The following ARL3 variants were observed in gnomAD, a reference collection of about 807,000 sequenced individuals.
ARL3 encodes ARF like GTPase 3.
Under a neutral mutation model 26.0 loss-of-function variants are expected in ARL3, and 9 were observed. That is an observed-to-expected ratio of 0.35 (90% CI 0.21 to 0.60). The LOEUF is 0.60. Ranked by LOEUF, ARL3 falls within the 20% of genes least tolerant of loss-of-function variation. ARL3 has a pLI of 0.78. For missense variants in ARL3, 158 were observed against 215.7 expected, an observed-to-expected ratio of 0.73 and a Z score of 1.67; for synonymous variants, 71 against 78.4, an observed-to-expected ratio of 0.91 and a Z score of 0.50.
At chr10:102,714,151 G>T in intron 1 of ARL3, 122 bp downstream of exon 1, 2 of 1,195,558 alleles carry the variant, frequency 1.7e-6, no homozygotes, top group Non-Finnish European at 2.2e-6. Context: ...CCACAACCCA[G>T]ATAGCAGGCT....
At chr10:102,688,784 C>T (rs928534955) in intron 4 of ARL3, among the ~76,000 whole-genome samples, 10 of 152,006 alleles carry the variant, frequency 6.6e-5, no homozygotes, top group East Asian at 1.9e-4. Flanking sequence ...ATTACAGGCG[C>T]GAGCCACCGC....
intron 1 of ARL3, among the ~76,000 whole-genome samples, chr10:102,713,835 G>T (rs994237170): frequency 5.3e-5 from 8 of 152,208 alleles, no homozygotes; most frequent in African/African-American, 1.9e-4. Context: ...AGAGCCAATG[G>T]GGCCGGCCTT....
chr10:102,688,188 G>C (rs2064197481), intron 4 of ARL3, among the ~76,000 whole-genome samples: 2 of 152,122 alleles, frequency 1.3e-5, no homozygotes, highest in African/African-American at 4.8e-5. Context: ...TTAAATGATA[G>C]GCCCCACCTT....
chr10:102,705,527 C>T (rs2082183153), intron 1 of ARL3, 38 bp from the exon 2 acceptor site: 5 of 1,503,092 alleles, frequency 3.3e-6, no homozygotes, highest in African/African-American at 1.4e-5. Flanking sequence ...ACTCTGGGGG[C>T]ACTGACTGTG....
rs536284276 is a variant in ARL3, at chr10:102,675,640, G to A, written c.*1254C>T. The A allele has an allele frequency of 2.0e-5, 3 of 152,328 alleles. No individual in the cohort carries two copies. Among genetic ancestry groups the A allele is most frequent in the African/African-American group, 7.2e-5 (3 of 41,576 alleles). The allele number at this position is 152,328 out of a possible 1,614,324, so 9.4% of individuals were successfully genotyped here. A position where few individuals can be genotyped will look rare whatever the true frequency, so the allele number is the denominator to read the frequency against. On this transcript the variant is annotated 3_prime_UTR_variant, in exon 6 of 6. Transcript: ENST00000260746. ...GCTCGTTTTGCAACGAGGGGCAGGA[G>A]AAATGTTCTGCTATTCCTCTCCAAT...
chr10:102,675,681 G>C lies in ARL3; in HGVS notation c.*1213C>G, dbSNP rs755783067. 7 of 152,174 alleles carry C rather than the reference G, an allele frequency of 4.6e-5. No individual in the cohort carries two copies. Among genetic ancestry groups the C allele is most frequent in the Non-Finnish European group, 1.5e-5 (1 of 68,042 alleles). 9.4% of individuals were successfully genotyped at this position (152,174 alleles called of 1,614,324 possible). A position where few individuals can be genotyped will look rare whatever the true frequency, so the allele number is the denominator to read the frequency against. ...CCTCTCCAATCAATCAACAGAGGACGGACATTCTGCTGCAGAGAGGCAGAG... is the reference window on the plus strand; with the variant it reads ...CCTCTCCAATCAATCAACAGAGGACCGACATTCTGCTGCAGAGAGGCAGAG... On this transcript the variant is annotated 3_prime_UTR_variant, in exon 6 of 6. Coordinates refer to ENST00000260746, the MANE Select transcript of ARL3 (RefSeq NM_004311.4).
intron 5 of ARL3, among the ~76,000 whole-genome samples, chr10:102,683,885 T>C (rs188403263): frequency 6.6e-6 from 1 of 152,130 alleles, no homozygotes; most frequent in Non-Finnish European, 1.5e-5. Flanking sequence ...TGAAGCAGTG[T>C]CCTTGACTTT....
intron 3 of ARL3, among the ~76,000 whole-genome samples, chr10:102,693,141 G>A (rs574070186): frequency 6.6e-6 from 1 of 152,186 alleles, no homozygotes; most frequent in Non-Finnish European, 1.5e-5. Flanking sequence ...TAGGAATAAA[G>A]ATGCCATAAA....
At chr10:102,686,205 G>A (rs894920395) in intron 4 of ARL3, among the ~76,000 whole-genome samples, 3 of 150,990 alleles carry the variant, frequency 2.0e-5, no homozygotes, top group Non-Finnish European at 4.4e-5. Flanking sequence ...CTGAGTAGCT[G>A]GGACTACAGG....
intron 3 of ARL3, among the ~76,000 whole-genome samples, chr10:102,696,999 C>T (rs2064251965): frequency 6.6e-6 from 1 of 152,148 alleles, no homozygotes. Flanking sequence ...GTCTACTGCA[C>T]ACCTAGGCTG....
chr10:102,703,872 G>C (rs545595453), intron 2 of ARL3, among the ~76,000 whole-genome samples: 1 of 151,624 alleles, frequency 6.6e-6, no homozygotes. Context: ...GTAATTGGCC[G>C]GGCAAGGTGG....
At chr10:102,714,111 C>T (rs1024260857) in intron 1 of ARL3, among the ~76,000 whole-genome samples, 162 bp downstream of exon 1, 6 of 152,114 alleles carry the variant, frequency 3.9e-5, no homozygotes, top group African/African-American at 1.4e-4. Flanking sequence ...GGCCCACCCT[C>T]GGGTCTCCCC....
chr10:102,681,080 G>A (rs945778980), intron 5 of ARL3, among the ~76,000 whole-genome samples: 1 of 152,048 alleles, frequency 6.6e-6, no homozygotes, highest in African/African-American at 2.4e-5. Context: ...AGAAAGAAGT[G>A]GTAAATTTTG....
At chr10:102,681,225 TA>T (rs1373125590) in intron 5 of ARL3, among the ~76,000 whole-genome samples, 1 of 151,142 alleles carries the variant, frequency 6.6e-6, no homozygotes, top group African/African-American at 2.4e-5. Context: ...TCGTTGCTAC[TA>T]AAAAAAATAC....
intron 3 of ARL3, 23 bp downstream of exon 3, chr10:102,699,350 A>T: frequency 7.3e-7 from 1 of 1,366,462 alleles, no homozygotes; most frequent in Non-Finnish European, 1.0e-6. Context: ...ACTATGAATT[A>T]GTGCGTCAGA....
chr10:102,696,114 C>T (rs765843886), intron 3 of ARL3, among the ~76,000 whole-genome samples: 8 of 151,894 alleles, frequency 5.3e-5, no homozygotes, highest in Admixed American at 2.0e-4. Flanking sequence ...CAGGCGCCCG[C>T]CACCATGCCC....
intron 4 of ARL3, among the ~76,000 whole-genome samples, chr10:102,688,723 G>C (rs1164325320): frequency 2.0e-5 from 3 of 151,986 alleles, no homozygotes; most frequent in Admixed American, 2.0e-4. Flanking sequence ...GGATGGTCTT[G>C]ATCTCCTGAC....
chr10:102,697,821 T>C (rs1369966716), intron 3 of ARL3, among the ~76,000 whole-genome samples: 1 of 151,996 alleles, frequency 6.6e-6, no homozygotes, highest in African/African-American at 2.4e-5. Context: ...GAAAAGACAA[T>C]GTTTCAAAGA....
chr10:102,709,859 C>T (rs2136011243), intron 1 of ARL3, among the ~76,000 whole-genome samples: 1 of 151,798 alleles, frequency 6.6e-6, no homozygotes, highest in South Asian at 2.1e-4. Context: ...ATGGTGAAAC[C>T]CTGCCTCTAC....
Sources: gnomAD v4.1 joint callset for allele counts (sites outside exome capture counted in the v4.1 genomes callset) on GRCh38, gnomAD v4.1.1 for gene constraint, MANE v1.5 for transcripts, NCBI Gene and HGNC (gene_info 2026-07-23, HGNC 2026-07-21) for gene names.